ANXA2: variants seen among roughly 807,000 people sequenced by gnomAD.
The protein encoded by ANXA2 is annexin II.
ANXA2 carries 28 observed loss-of-function variants against 47.3 expected under a neutral mutation model. The observed-to-expected ratio is 0.59, with a 90% CI of 0.44 to 0.81. The LOEUF is 0.81. Ranked by LOEUF, ANXA2 falls within the 40% of genes least tolerant of loss-of-function variation. ANXA2 has a pLI of 0.00. For synonymous variants in ANXA2, 172 were observed against 155.5 expected (o/e 1.11, Z -0.79); for missense variants, 384 against 414.3 (o/e 0.93, Z 0.64).
rs569734182 is a variant in ANXA2, at chr15:60,352,869, C to A, written c.589-393G>T. 1.3e-5 allele frequency among the ~76,000 whole-genome samples: 2 copies of A among 152,284 alleles called. No homozygotes were observed. The highest frequency in any genetic ancestry group is 3.9e-4 in the East Asian group (2 of 5,166). On this transcript the variant is annotated intron_variant, in intron 8 of 12. Coordinates refer to ENST00000451270, the MANE Select transcript of ANXA2 (RefSeq NM_004039.3). The surrounding 1 kb of genome is among the most constrained non-coding windows in gnomAD (Gnocchi z 4.2). ...AGATGTTTACTGGACAGCTACAGACCAGGCTCTCATTCTCAAGCTTCTCAG... is the reference window on the plus strand; with the variant it reads ...AGATGTTTACTGGACAGCTACAGACAAGGCTCTCATTCTCAAGCTTCTCAG...
At chr15:60,355,854 T>C in intron 7 of ANXA2, 65 bp downstream of exon 7, 2 of 1,301,424 alleles carry the variant, frequency 1.5e-6, no homozygotes, top group Non-Finnish European at 2.2e-6. Context: ...ACTCCAAGTA[T>C]AAAATGAGGT....
At chr15:60,386,200 GAGT>G in intron 1 of ANXA2, 114 bp from the exon 2 acceptor site, 1 of 737,766 alleles carries the variant, frequency 1.4e-6, no homozygotes, top group Non-Finnish European at 2.3e-6. Flanking sequence ...GACGATATTG[GAGT>G]AGTTTTTGCA....
chr15:60,359,714 T>G (rs2062483526), intron 5 of ANXA2, among the ~76,000 whole-genome samples: 1 of 152,204 alleles, frequency 6.6e-6, no homozygotes, highest in African/African-American at 2.4e-5. Flanking sequence ...AACTGTGACA[T>G]TAGCTCTGGT....
At chr15:60,382,299 C>A (rs1595701180) in intron 3 of ANXA2, 43 bp downstream of exon 3, 2 of 1,491,150 alleles carry the variant, frequency 1.3e-6, no homozygotes, top group African/African-American at 2.8e-5. Context: ...CCAAAAATGT[C>A]TCAGTAAGAC....
At chr15:60,393,623 C>T (rs1193694631) in intron 1 of ANXA2, 2 of 985,318 alleles carry the variant, frequency 2.0e-6, no homozygotes, top group Non-Finnish European at 2.4e-6. Context: ...CACCAGGAAC[C>T]TCAATCTTAA....
rs755823365 is a variant in ANXA2, at chr15:60,364,475, G to A, written c.197C>T (p.Ala66Val). Residue 66 changes from alanine (A) to valine (V), a missense_variant, in exon 4 of 13, where the codon GCA becomes GTA. Coordinates refer to ENST00000451270, the MANE Select transcript of ANXA2 (RefSeq NM_004039.3). ...IVNILTNRSN[A>V]QRQDIAFAYQ... ...GGCGAAGGCAATATCCTGTCTCTGT[G>A]CATTGCTGCGGTTGGTCAAAATGTT... 2 of 1,613,312 alleles carry A rather than the reference G, an allele frequency of 1.2e-6. No individual in the cohort carries two copies. The highest frequency in any genetic ancestry group is 1.1e-5 in the South Asian group (1 of 90,854).
chr15:60,371,124 A>G (rs968679145), intron 3 of ANXA2, among the ~76,000 whole-genome samples: 1 of 152,252 alleles, frequency 6.6e-6, no homozygotes, highest in Non-Finnish European at 1.5e-5. Flanking sequence ...AAGAAACAGC[A>G]CAAGGAAATC....
intron 7 of ANXA2, 160 bp downstream of exon 7, chr15:60,355,759 T>C (rs758316259): frequency 5.6e-6 from 4 of 718,192 alleles, no homozygotes; most frequent in Non-Finnish European, 1.0e-5. Flanking sequence ...TTATACAAAA[T>C]TGACAACTCT....
chr15:60,373,885 A>G (rs2062742531), intron 3 of ANXA2, among the ~76,000 whole-genome samples: 1 of 152,220 alleles, frequency 6.6e-6, no homozygotes, highest in African/African-American at 2.4e-5. Context: ...GGGGCAAAGA[A>G]AGATAGAGAA....
chr15:60,390,420 A>G (rs1023665919), intron 1 of ANXA2: 4 of 533,250 alleles, frequency 7.5e-6, no homozygotes, highest in South Asian at 1.5e-5. Flanking sequence ...AAGTGTGGCA[A>G]GCACCAACCC....
intron 5 of ANXA2, 143 bp downstream of exon 5, chr15:60,360,798 G>T (rs2062501194): frequency 3.2e-6 from 2 of 626,988 alleles, no homozygotes; most frequent in Non-Finnish European, 2.9e-6. Context: ...CAAATCCTGA[G>T]ACATATAACT....
intron 3 of ANXA2, among the ~76,000 whole-genome samples, chr15:60,375,270 G>A (rs560993920): frequency 1.3e-5 from 2 of 152,206 alleles, no homozygotes; most frequent in South Asian, 2.1e-4. Context: ...CATCCCTTCC[G>A]GAGAACACAA....
chr15:60,355,107 C>A (rs1027848550), intron 7 of ANXA2, among the ~76,000 whole-genome samples: 4 of 152,018 alleles, frequency 2.6e-5, no homozygotes, highest in Admixed American at 1.3e-4. Context: ...CAGAGCTGAG[C>A]GGGAAAGATG....
intron 3 of ANXA2, among the ~76,000 whole-genome samples, chr15:60,379,202 C>A (rs1489925954): frequency 6.6e-6 from 1 of 152,008 alleles, no homozygotes; most frequent in Non-Finnish European, 1.5e-5. Context: ...TGCTTGAACC[C>A]AGGAGGCAGA....
chr15:60,347,466 G>A lies in ANXA2; in HGVS notation c.*164C>T, dbSNP rs1008351300. The A allele has an allele frequency of 4.1e-5, 26 of 641,128 alleles. No individual in the cohort carries two copies. The highest frequency in any genetic ancestry group is 8.1e-4 in the Middle Eastern group (2 of 2,458). The allele number at this position is 641,128 out of a possible 1,614,324, so 39.7% of individuals were successfully genotyped here. On this transcript the variant is annotated 3_prime_UTR_variant, in exon 13 of 13. Transcript: ENST00000451270. ...TTGGCTTACAGGAGAGACTAGACAG[G>A]AAGGCCAGGCAATGCTTAGGCAACT...
Position 60,354,166 on chromosome 15 carries a change from G to T in ANXA2, c.576C>A (p.Asp192Glu), listed in dbSNP as rs1195078990. 3.1e-6 allele frequency: 5 copies of T among 1,613,714 alleles called. No homozygotes were observed. The highest frequency in any genetic ancestry group is 4.2e-6 in the Non-Finnish European group (5 of 1,179,830). ...DGSVIDYELI[D>E]QDARDLYDAG... Reference sequence around the variant, plus strand: ...GCTCAGCACTTACCCGAGCATCTTGGTCAATCAGTTCATAATCAATGACAG... The same window carrying T: ...GCTCAGCACTTACCCGAGCATCTTGTTCAATCAGTTCATAATCAATGACAG... The change falls in exon 8 of 13, where the codon GAC becomes GAA. Residue 192 changes from aspartate (D) to glutamate (E), a missense_variant. Physicochemically the swap from Asp to Glu is conservative, Grantham distance 45. Coordinates refer to ENST00000451270, the MANE Select transcript of ANXA2 (RefSeq NM_004039.3).
At chr15:60,364,588 G>GTT in intron 3 of ANXA2, 65 bp from the exon 4 acceptor site, 2 of 1,256,144 alleles carry the variant, frequency 1.6e-6, no homozygotes, top group Non-Finnish European at 1.1e-6. Flanking sequence ...TACATAGAAG[G>GTT]TGTCAAGCAG....
In ANXA2 at chr15:60,366,375, C is replaced by T. The variant is rs932906768; in HGVS notation, c.149-1852G>A. Among the ~76,000 whole-genome samples, 9 of 148,860 alleles carry T rather than the reference C, an allele frequency of 6.0e-5. No individual in the cohort carries two copies. The East Asian group carries it at 6.1e-4, about 10-fold the overall frequency. ...TGGAAAGTGAGGAGCGCCTCTTCCC[C>T]GCCGCCATCCCATCTAGGAAGTGAG... On this transcript the variant is annotated intron_variant, in intron 3 of 12. Transcript: ENST00000451270.
At chr15:60,391,672 T>G (rs565161217) in intron 1 of ANXA2, among the ~76,000 whole-genome samples, 3 of 152,326 alleles carry the variant, frequency 2.0e-5, no homozygotes, top group Middle Eastern at 3.4e-3. Context: ...TCAGTGTACT[T>G]ACTGTTTTGA....
Sources: allele counts gnomAD v4.1 joint callset (sites outside exome capture counted in the v4.1 genomes callset), GRCh38; gene constraint gnomAD v4.1.1; non-coding constraint Gnocchi (gnomAD v3.1); transcripts MANE v1.5; gene names NCBI Gene and HGNC (gene_info 2026-07-23, HGNC 2026-07-21).